TBC1D12: variants seen among roughly 807,000 people sequenced by gnomAD.
TBC1D12 encodes TBC1 domain family member 12, also known as TBC1 domain family, member 12.
In TBC1D12, 56 loss-of-function variants were observed where a neutral mutation model predicts 86.7. The observed-to-expected ratio is 0.65, with a 90% CI of 0.52 to 0.81. The LOEUF (loss-of-function observed/expected upper bound fraction) is 0.81, where lower values mean the gene tolerates loss of function less well. Among genes scored for constraint, TBC1D12 ranks in the 30% least tolerant of loss-of-function variants. The probability of loss-of-function intolerance (pLI) is 0.00; values close to 1 mark genes in which losing one functional copy is unlikely to be tolerated. For synonymous variants in TBC1D12, 421 were observed against 411.7 expected, an observed-to-expected ratio of 1.02 and a Z score of -0.27; for missense variants, 1,023 against 1,038.8, an observed-to-expected ratio of 0.98 and a Z score of 0.21.
At chr10:94,472,196 G>A (rs2055917277) in intron 2 of TBC1D12, among the ~76,000 whole-genome samples, 1 of 152,102 alleles carries the variant, frequency 6.6e-6, no homozygotes, top group Non-Finnish European at 1.5e-5. Context: ...TTGAGCCCAG[G>A]AGTTCAAGAA....
chr10:94,492,298 A>G (rs1362904377), intron 3 of TBC1D12, among the ~76,000 whole-genome samples: 2 of 152,208 alleles, frequency 1.3e-5, no homozygotes, highest in Non-Finnish European at 2.9e-5. Flanking sequence ...GGGGACTACT[A>G]TGTATGCAAA....
chr10:94,455,046 A>C (rs965358989), intron 2 of TBC1D12, among the ~76,000 whole-genome samples: 4 of 152,108 alleles, frequency 2.6e-5, no homozygotes, highest in Non-Finnish European at 1.5e-5. Flanking sequence ...AAGTTGAGGA[A>C]GTTCCCCTCT....
chr10:94,452,390 GT>G, intron 2 of TBC1D12, among the ~76,000 whole-genome samples: 1 of 152,044 alleles, frequency 6.6e-6, no homozygotes, highest in Non-Finnish European at 1.5e-5. Context: ...TACCATTGTA[GT>G]ATTACACAGC....
chr10:94,414,851 C>T (rs75011989), intron 1 of TBC1D12, among the ~76,000 whole-genome samples: 3,322 of 152,204 alleles, frequency 0.022, 125 homozygotes, highest in African/African-American at 0.074. Context: ...CCGCCCACTG[C>T]GGCCTCCCAA....
chr10:94,404,600 C>T (rs576693238), intron 1 of TBC1D12, among the ~76,000 whole-genome samples: 7 of 149,922 alleles, frequency 4.7e-5, no homozygotes, highest in East Asian at 2.0e-4. Flanking sequence ...GAACCTAGAT[C>T]GTGCCATTGC....
intron 3 of TBC1D12, among the ~76,000 whole-genome samples, chr10:94,491,774 A>G (rs2056248848): frequency 6.6e-6 from 1 of 152,152 alleles, no homozygotes; most frequent in Non-Finnish European, 1.5e-5. Context: ...GTGATACCAC[A>G]GCGCCTGTGT....
intron 2 of TBC1D12, among the ~76,000 whole-genome samples, chr10:94,466,165 C>A (rs530439053): frequency 9.2e-5 from 14 of 151,800 alleles, no homozygotes; most frequent in Non-Finnish European, 2.1e-4. Context: ...AAGAACCTTA[C>A]GACAGTGTAC....
chr10:94,488,802 G>GCT (rs1328060164), intron 3 of TBC1D12, among the ~76,000 whole-genome samples: 8 of 152,038 alleles, frequency 5.3e-5, no homozygotes, highest in African/African-American at 1.9e-4. Context: ...TCATCCAGGA[G>GCT]CTAGGACCTG....
chr10:94,459,592 G>A (rs185169265), intron 2 of TBC1D12, among the ~76,000 whole-genome samples: 1 of 152,214 alleles, frequency 6.6e-6, no homozygotes, highest in Non-Finnish European at 1.5e-5. Flanking sequence ...CCCACCAGGG[G>A]GGTTGGGGGG....
At chr10:94,493,491 A>C in intron 4 of TBC1D12, 44 bp downstream of exon 4, 1 of 1,307,934 alleles carries the variant, frequency 7.6e-7, no homozygotes, top group Non-Finnish European at 1.1e-6. Flanking sequence ...TGATTTTAAT[A>C]AGAAGATGGA....
At chr10:94,499,628 A>G (rs1256893953) in intron 5 of TBC1D12, among the ~76,000 whole-genome samples, 1 of 152,200 alleles carries the variant, frequency 6.6e-6, no homozygotes, top group Non-Finnish European at 1.5e-5. Context: ...ACAGTGTGAC[A>G]TATTATCTGA....
chr10:94,507,317 A>T lies in TBC1D12; in HGVS notation c.1570A>T (p.Ser524Cys). 6.2e-7 allele frequency: 1 copy of T among 1,609,660 alleles called. No homozygotes were observed. Among genetic ancestry groups the T allele is most frequent in the South Asian group, 1.1e-5 (1 of 89,448 alleles). Residue 524 changes from serine (S) to cysteine (C), a missense_variant, in exon 7 of 13, where the codon AGT (serine) becomes TGT (cysteine). Transcript: ENST00000225235. ...AGCAAAAGAACGGTGGAAAAGTTTC[A>T]GTGAAACAAGTTCAGAGAATGATAC... ...SRAKERWKSF[S>C]ETSSENDTEG...
chr10:94,489,287 G>A (rs1281314852), intron 3 of TBC1D12, among the ~76,000 whole-genome samples: 2 of 152,188 alleles, frequency 1.3e-5, no homozygotes, highest in South Asian at 4.1e-4. Context: ...ATGTGCTAGG[G>A]CAGCATTAAG....
intron 3 of TBC1D12, among the ~76,000 whole-genome samples, chr10:94,484,613 G>A (rs2056133295): frequency 6.6e-6 from 1 of 152,068 alleles, no homozygotes; most frequent in African/African-American, 2.4e-5. Context: ...TTTTAGGATT[G>A]TTTTTTCTAT....
At chr10:94,502,469 C>G (rs2134192080) in intron 6 of TBC1D12, among the ~76,000 whole-genome samples, 1 of 152,140 alleles carries the variant, frequency 6.6e-6, no homozygotes, top group Non-Finnish European at 1.5e-5. Flanking sequence ...CTTCAGGAGG[C>G]TGAGGCGGAT....
rs954057138 is a variant in TBC1D12, at chr10:94,531,251, G to A, written c.2050G>A (p.Val684Ile). ...ACTACCACTTGATCTGGCCTGTCGAGTCTGGGATGTATTTTGCAGAGATGG... is the reference window on the plus strand; with the variant it reads ...ACTACCACTTGATCTGGCCTGTCGAATCTGGGATGTATTTTGCAGAGATGG... ...KSLPLDLACRVWDVFCRDGEE... is the reference protein window; with the variant it reads ...KSLPLDLACRIWDVFCRDGEE... The change falls in exon 12 of 13, where the codon GTC becomes ATC. Residue 684 changes from valine to isoleucine, a missense_variant. Physicochemically the swap from Val to Ile is conservative, Grantham distance 29. Coordinates refer to ENST00000225235, the MANE Select transcript of TBC1D12 (RefSeq NM_015188.2). The A allele has an allele frequency of 6.2e-7, 1 of 1,613,956 alleles. No homozygotes were observed. The highest frequency in any genetic ancestry group is 8.5e-7 in the Non-Finnish European group (1 of 1,179,948).
At chr10:94,417,998 C>T (rs535156920) in intron 1 of TBC1D12, among the ~76,000 whole-genome samples, 4 of 152,198 alleles carry the variant, frequency 2.6e-5, no homozygotes, top group African/African-American at 9.6e-5. Context: ...TCGTGATCCG[C>T]CCACCTCGGT....
At chr10:94,465,657 T>A (rs556683895) in intron 2 of TBC1D12, among the ~76,000 whole-genome samples, 3,729 of 62,402 alleles carry the variant, frequency 0.06, 56 homozygotes, top group Admixed American at 0.079. Context: ...AAAAAAAAAA[T>A]ATATATATAT....
At chr10:94,448,671 G>T (rs2055506535) in intron 2 of TBC1D12, among the ~76,000 whole-genome samples, 2 of 152,060 alleles carry the variant, frequency 1.3e-5, no homozygotes, top group African/African-American at 4.8e-5. Flanking sequence ...TAGAGACAGG[G>T]TCTCACTGTG....
Sources: gnomAD v4.1 joint callset for allele counts (sites outside exome capture counted in the v4.1 genomes callset) on GRCh38, gnomAD v4.1.1 for gene constraint, MANE v1.5 for transcripts, NCBI Gene and HGNC (gene_info 2026-07-23, HGNC 2026-07-21) for gene names.